The following NEMP2 variants were observed in gnomAD, a reference collection of about 807,000 sequenced individuals.
The protein encoded by NEMP2 is nuclear envelope integral membrane protein 2.
NEMP2 carries 53 observed loss-of-function variants against 54.2 expected under a neutral mutation model. The ratio of observed to expected loss-of-function variants is 0.98; its 90% CI spans 0.78 to 1.23. The LOEUF is 1.23. Ranked by LOEUF, NEMP2 falls within the 50% of genes most tolerant of loss-of-function variation. The probability of loss-of-function intolerance (pLI) is 0.00; values close to 1 mark genes in which losing one functional copy is unlikely to be tolerated. For synonymous variants in NEMP2, 197 were observed against 190.3 expected (o/e 1.04, Z -0.29); for missense variants, 455 against 511.3 (o/e 0.89, Z 1.06).
At chr2:190,443,587 C>G in the NEMP2 span, among the ~76,000 whole-genome samples, 1 of 152,190 alleles carries the variant, frequency 6.6e-6, no homozygotes, top group Non-Finnish European at 1.5e-5. The surrounding 1 kb of genome is among the most constrained non-coding windows in gnomAD (Gnocchi z 4.2). Flanking sequence ...TTATGATTTT[C>G]AAAATAACTA....
the NEMP2 span, among the ~76,000 whole-genome samples, chr2:190,480,888 A>T: frequency 2.6e-5 from 4 of 152,228 alleles, no homozygotes; most frequent in Non-Finnish European, 4.4e-5. Context: ...ATTATAAATA[A>T]ATATAAATCA....
At chr2:190,600,210 T>C in the NEMP2 span, among the ~76,000 whole-genome samples, 1 of 152,178 alleles carries the variant, frequency 6.6e-6, no homozygotes, top group Non-Finnish European at 1.5e-5. This position sits in a 1 kb window ranked among gnomAD's most constrained non-coding sequence, Gnocchi z 4.9. Context: ...TTTCCTGTTG[T>C]TTCTAACTCT....
downstream of NEMP2, chr2:190,500,170 AGAG>A: frequency 1.9e-6 from 3 of 1,614,162 alleles, no homozygotes; most frequent in Non-Finnish European, 2.5e-6. This position sits in a 1 kb window ranked among gnomAD's most constrained non-coding sequence, Gnocchi z 5.3. Flanking sequence ...ACCCGTGCAC[AGAG>A]GAGAGTGAAG....
At chr2:190,488,606 A>C in the NEMP2 span, 1 of 1,378,210 alleles carries the variant, frequency 7.3e-7, no homozygotes, top group Non-Finnish European at 9.6e-7. This position sits in a 1 kb window ranked among gnomAD's most constrained non-coding sequence, Gnocchi z 6.4. Context: ...AAAACAGAGT[A>C]GCCTAAGAAA....
At chr2:190,482,932 C>T in the NEMP2 span, among the ~76,000 whole-genome samples, 634 of 126,102 alleles carry the variant, frequency 5.0e-3, 8 homozygotes, top group South Asian at 6.0e-3. Flanking sequence ...TCGCCCAGGC[C>T]GGACTGCGGA....
In NEMP2 at chr2:190,513,065, T is replaced by A. The variant is rs958971378; in HGVS notation, c.953+1388A>T. Among the ~76,000 whole-genome samples, 3 of 152,168 alleles carry A rather than the reference T, an allele frequency of 2.0e-5. No homozygotes were observed. Among genetic ancestry groups the A allele is most frequent in the Admixed American group, 2.0e-4 (3 of 15,274 alleles). ...CCTCATCAGCTCTCGCCTGGACCAC[T>A]GTGATGTCTGATAACTGTTCTCCTG... On this transcript the variant is annotated intron_variant, in intron 7 of 8. Transcript: ENST00000409150. This position sits in a 1 kb window ranked among gnomAD's most constrained non-coding sequence, Gnocchi z 5.3.
In NEMP2 at chr2:190,519,307, T is replaced by C; in HGVS notation, c.214-124A>G. The C allele has an allele frequency of 1.5e-6, 1 of 675,084 alleles. No homozygotes were observed. The highest frequency in any genetic ancestry group is 2.5e-6 in the Non-Finnish European group (1 of 403,538). The allele number at this position is 675,084 out of a possible 1,614,324, so 41.8% of individuals were successfully genotyped here. On this transcript the variant is annotated intron_variant, in intron 2 of 8. Coordinates refer to ENST00000409150, the MANE Select transcript of NEMP2 (RefSeq NM_001142645.2). This position sits in a 1 kb window ranked among gnomAD's most constrained non-coding sequence, Gnocchi z 5.4. ...CAGGATCTCTGCTCACTGCAACCTGTGCCTCCAGGGCTCAGGTGACCCTCC... is the reference window on the plus strand; with the variant it reads ...CAGGATCTCTGCTCACTGCAACCTGCGCCTCCAGGGCTCAGGTGACCCTCC...
the NEMP2 span, among the ~76,000 whole-genome samples, chr2:190,468,270 G>A: frequency 3.9e-5 from 6 of 152,084 alleles, no homozygotes; most frequent in Non-Finnish European, 8.8e-5. Context: ...ATACTTCACT[G>A]AGAATCTGCT....
chr2:190,440,777 C>T, the NEMP2 span, among the ~76,000 whole-genome samples: 1 of 152,154 alleles, frequency 6.6e-6, no homozygotes, highest in East Asian at 1.9e-4. Flanking sequence ...GTTACATTAC[C>T]TATTATTAGC....
the NEMP2 span, among the ~76,000 whole-genome samples, chr2:190,589,628 A>G: frequency 6.6e-6 from 1 of 152,154 alleles, no homozygotes; most frequent in Non-Finnish European, 1.5e-5. The surrounding 1 kb of genome is among the most constrained non-coding windows in gnomAD (Gnocchi z 4.3). Flanking sequence ...GGTTCAATTA[A>G]GCCAAAACCT....
the NEMP2 span, among the ~76,000 whole-genome samples, chr2:190,646,014 C>A: frequency 9.9e-5 from 15 of 152,236 alleles, no homozygotes; most frequent in Admixed American, 9.8e-4. Flanking sequence ...CTAAACCTGG[C>A]ACATTCTTGG....
chr2:190,425,063 T>G, the NEMP2 span, among the ~76,000 whole-genome samples: 1 of 152,192 alleles, frequency 6.6e-6, no homozygotes, highest in African/African-American at 2.4e-5. This position sits in a 1 kb window ranked among gnomAD's most constrained non-coding sequence, Gnocchi z 4.3. Context: ...CATAAGGCCT[T>G]GTACACATTT....
In NEMP2 at chr2:190,534,678, C is replaced by G; in HGVS notation, c.-23G>C. On this transcript the variant is annotated 5_prime_UTR_variant, in exon 1 of 9. Coordinates refer to ENST00000409150, the MANE Select transcript of NEMP2 (RefSeq NM_001142645.2). ...CATTTCGTTAGGGGTCAGCTCCGTG[C>G]GACCCGAGCCCTAGGGGACCGGCTC... 8.0e-7 allele frequency: 1 copy of G among 1,255,918 alleles called. No homozygotes were observed. The highest frequency in any genetic ancestry group is 1.0e-6 in the Non-Finnish European group (1 of 999,544). The allele number at this position is 1,255,918 out of a possible 1,614,324, so 77.8% of individuals were successfully genotyped here.
chr2:190,572,834 T>TTTATATATATATATATAC, the NEMP2 span, among the ~76,000 whole-genome samples: 1 of 37,776 alleles, frequency 2.6e-5, no homozygotes, highest in African/African-American at 8.1e-5. Context: ...TTTTCATGAG[T>TTTATATATATATATATAC]ATATATATAT....
At chr2:190,499,880 T>C, downstream of NEMP2, 1 of 1,556,614 alleles carries the variant, frequency 6.4e-7, no homozygotes. This position sits in a 1 kb window ranked among gnomAD's most constrained non-coding sequence, Gnocchi z 6.0. Flanking sequence ...TCCTTATTCC[T>C]CTATTACTTG....
At position 190,509,221 on chromosome 2, in the gene NEMP2, C is replaced by T. The variant is rs1393184607; in HGVS notation, c.1222G>A (p.Glu408Lys). 1.3e-6 allele frequency: 2 copies of T among 1,551,568 alleles called. No individual in the cohort carries two copies. Among genetic ancestry groups the T allele is most frequent in the Non-Finnish European group, 1.7e-6 (2 of 1,146,998 alleles). Residue 408 changes from glutamate to lysine, a missense_variant, in exon 9 of 9, where the codon GAA (glutamate) becomes AAA (lysine). By Grantham distance (56) the Glu-to-Lys change is moderately conservative. This residue lies in a region of NEMP2 where 294 missense variants were observed against 333.6 expected (regional missense o/e 0.88). Transcript: ENST00000409150. The surrounding 1 kb of genome is among the most constrained non-coding windows in gnomAD (Gnocchi z 6.1). Reference sequence around the variant, plus strand: ...GTACTCGGGTTAAAGAGCTGCTCTTCCAAGAAGGCACCCCCAAGGCCATAC... The same window carrying T: ...GTACTCGGGTTAAAGAGCTGCTCTTTCAAGAAGGCACCCCCAAGGCCATAC... The part of the protein sequence containing the change: ...EQYGLGGAFL[E>K]EQLFNPSTA
chr2:190,495,626 C>T, the NEMP2 span, among the ~76,000 whole-genome samples: 4 of 152,280 alleles, frequency 2.6e-5, no homozygotes, highest in Middle Eastern at 3.4e-3. This position sits in a 1 kb window ranked among gnomAD's most constrained non-coding sequence, Gnocchi z 4.7. Context: ...ACCAAAACAG[C>T]ATGGTACTGG....
the NEMP2 span, among the ~76,000 whole-genome samples, chr2:190,428,968 C>T: frequency 2.0e-5 from 3 of 152,160 alleles, no homozygotes; most frequent in Admixed American, 6.5e-5. Flanking sequence ...CCACCATGCC[C>T]AGCCTCAATC....
chr2:190,433,901 T>C, the NEMP2 span, among the ~76,000 whole-genome samples: 2 of 151,814 alleles, frequency 1.3e-5, no homozygotes, highest in African/African-American at 4.8e-5. The surrounding 1 kb of genome is among the most constrained non-coding windows in gnomAD (Gnocchi z 4.5). Context: ...GTAAAGAAAG[T>C]GAAAGGAGGC....
Sources: gnomAD v4.1 joint callset for allele counts (sites outside exome capture counted in the v4.1 genomes callset) on GRCh38, gnomAD v4.1.1 for gene constraint, gnomAD v4.1.1 regional missense constraint, Gnocchi (gnomAD v3.1) non-coding constraint, MANE v1.5 for transcripts, NCBI Gene and HGNC (gene_info 2026-07-23, HGNC 2026-07-21) for gene names.